Variants in ADGRE5 observed in about 807,000 individuals in gnomAD.
ADGRE5 encodes adhesion G protein-coupled receptor E5.
In ADGRE5, 72 loss-of-function variants were observed where a neutral mutation model predicts 100.3. The ratio of observed to expected loss-of-function variants is 0.72; its 90% CI spans 0.59 to 0.87. The LOEUF (loss-of-function observed/expected upper bound fraction) is 0.87. Among genes scored for constraint, ADGRE5 ranks in the 40% least tolerant of loss-of-function variants. The probability of loss-of-function intolerance (pLI) is 0.00; values close to 1 mark genes in which losing one functional copy is unlikely to be tolerated. For missense variants in ADGRE5, 959 were observed against 1,094.7 expected (o/e 0.88, Z 1.75); for synonymous variants, 439 against 447.8 (o/e 0.98, Z 0.25).
chr19:14,391,343 G>T (rs182737404), intron 4 of ADGRE5: 1 of 520,380 alleles, frequency 1.9e-6, no homozygotes, highest in African/African-American at 1.9e-5. Flanking sequence ...TTCAGAAACC[G>T]CTGTCCACAT....
chr19:14,395,171 C>T lies in ADGRE5; in HGVS notation c.347-1171C>T, dbSNP rs372048160. ...CAAAAATTAGCCGGGCGCAGTGGCA[C>T]GCACCTGTAATCCCAGCTACTCAGG... On this transcript the variant is annotated intron_variant, in intron 4 of 19. Transcript: ENST00000242786. Among the ~76,000 whole-genome samples the T allele has an allele frequency of 1.0e-3, 157 of 152,124 alleles. 1 individual carries two copies. The highest frequency in any genetic ancestry group is 3.5e-3 in the African/African-American group (147 of 41,498).
At position 14,408,227 on chromosome 19, in the gene ADGRE5, C is replaced by A; in HGVS notation, c.*106C>A. 2 of 1,251,188 alleles carry A rather than the reference C, an allele frequency of 1.6e-6. No individual in the cohort carries two copies. Among genetic ancestry groups the A allele is most frequent in the Non-Finnish European group, 2.3e-6 (2 of 872,386 alleles). 77.5% of individuals were successfully genotyped at this position (1,251,188 alleles called of 1,614,324 possible). A position where few individuals can be genotyped will look rare whatever the true frequency, so the allele number is the denominator to read the frequency against. On this transcript the variant is annotated 3_prime_UTR_variant, in exon 20 of 20. Transcript: ENST00000242786. The stretch of plus-strand genomic sequence containing the variant: ...CCACCACTCTACTCCCTCCACCCTC[C>A]CTCCCTGATCCCGTGTGCCACCAGG...
chr19:14,398,915 C>T (rs931500762), intron 9 of ADGRE5, among the ~76,000 whole-genome samples: 3 of 151,114 alleles, frequency 2.0e-5, no homozygotes, highest in Non-Finnish European at 2.9e-5. Context: ...GATCATGGCT[C>T]GCTGCAGCCT....
At chr19:14,384,498 C>T (rs548016408) in intron 1 of ADGRE5, among the ~76,000 whole-genome samples, 31 of 152,254 alleles carry the variant, frequency 2.0e-4, no homozygotes, top group African/African-American at 6.0e-4. Flanking sequence ...TCCCTCTGCC[C>T]GACACCCCCC....
intron 18 of ADGRE5, among the ~76,000 whole-genome samples, chr19:14,407,687 C>T (rs528376318): frequency 6.6e-6 from 1 of 151,074 alleles, no homozygotes; most frequent in Admixed American, 6.6e-5. Flanking sequence ...CTCAGCTTCT[C>T]AGGAGGCTGG....
chr19:14,389,837 G>A (rs1975532043), intron 3 of ADGRE5, among the ~76,000 whole-genome samples: 1 of 152,060 alleles, frequency 6.6e-6, no homozygotes, highest in Non-Finnish European at 1.5e-5. Context: ...GGGAGGCCAA[G>A]GCGGGCGGAT....
At chr19:14,388,207 G>T (rs1482277130) in intron 1 of ADGRE5, among the ~76,000 whole-genome samples, 1 of 151,716 alleles carries the variant, frequency 6.6e-6, no homozygotes, top group Non-Finnish European at 1.5e-5. Context: ...CAGCCTGGGT[G>T]ACCAAGCAGG....
intron 1 of ADGRE5, among the ~76,000 whole-genome samples, chr19:14,383,024 C>T (rs924369669): frequency 1.3e-5 from 2 of 152,074 alleles, no homozygotes; most frequent in Non-Finnish European, 2.9e-5. Flanking sequence ...GCATGAGCCA[C>T]CGCGCCCAGC....
Position 14,408,226 on chromosome 19 carries a change from C to T in ADGRE5, c.*105C>T. 1.6e-6 allele frequency: 2 copies of T among 1,277,528 alleles called. No individual in the cohort carries two copies. The highest frequency in any genetic ancestry group is 2.5e-5 in the East Asian group (1 of 40,438). 79.1% of individuals were successfully genotyped at this position (1,277,528 alleles called of 1,614,324 possible). On this transcript the variant is annotated 3_prime_UTR_variant, in exon 20 of 20. Transcript: ENST00000242786. The stretch of plus-strand genomic sequence containing the variant: ...TCCACCACTCTACTCCCTCCACCCT[C>T]CCTCCCTGATCCCGTGTGCCACCAG...
At chr19:14,404,155 A>G (rs1354265692) in intron 12 of ADGRE5, among the ~76,000 whole-genome samples, 2 of 152,094 alleles carry the variant, frequency 1.3e-5, no homozygotes, top group African/African-American at 4.8e-5. Context: ...CTGGGATTAC[A>G]GGCATGAGCC....
chr19:14,390,392 C>T (rs899747319), intron 3 of ADGRE5, among the ~76,000 whole-genome samples: 21 of 150,248 alleles, frequency 1.4e-4, no homozygotes, highest in East Asian at 4.0e-4. Context: ...GACCCGATCT[C>T]GGCTCACTGC....
Position 14,401,412 on chromosome 19 carries a change from G to A in ADGRE5, c.924G>A (p.Leu308=), listed in dbSNP as rs140629853. 74 of 1,614,104 alleles carry A rather than the reference G, an allele frequency of 4.6e-5. No homozygotes were observed. In the African/African-American group the frequency reaches 8.3e-4, roughly 18 times the overall value. Residue 308 remains leucine, a synonymous_variant, in exon 10 of 20, where the codon CTG becomes CTA. Transcript: ENST00000242786. The surrounding 1 kb of genome is among the most constrained non-coding windows in gnomAD (Gnocchi z 4.1). ...IQNVIKLVDE[L]MEAPGDVEAL... ...ATGTCATCAAATTGGTGGATGAACT[G>A]ATGGAAGCTCCTGGAGACGTAGAGG...
chr19:14,399,828 G>A (rs989096513), intron 9 of ADGRE5, among the ~76,000 whole-genome samples: 1 of 151,624 alleles, frequency 6.6e-6, no homozygotes, highest in African/African-American at 2.4e-5. Flanking sequence ...AACTTTTCCA[G>A]TAGCTAGATT....
At chr19:14,394,627 G>A (rs1385078325) in intron 4 of ADGRE5, among the ~76,000 whole-genome samples, 3 of 152,212 alleles carry the variant, frequency 2.0e-5, no homozygotes, top group East Asian at 3.9e-4. Flanking sequence ...GTGTGGTGGC[G>A]CATTCCAGTA....
At position 14,408,417 on chromosome 19, in the gene ADGRE5, T is replaced by C. The variant is rs1976378526; in HGVS notation, c.*296T>C. On this transcript the variant is annotated 3_prime_UTR_variant, in exon 20 of 20. Coordinates refer to ENST00000242786, the MANE Select transcript of ADGRE5 (RefSeq NM_078481.4). ...ATGCAGCATGTTGCCCTGGCACCTG[T>C]GGCCAGTACTCGGGACAGACTAAGG... 3 of 590,668 alleles carry C rather than the reference T, an allele frequency of 5.1e-6. No homozygotes were observed. Among genetic ancestry groups the C allele is most frequent in the African/African-American group, 1.9e-5 (1 of 53,842 alleles). The allele number at this position is 590,668 out of a possible 1,614,324, so 36.6% of individuals were successfully genotyped here. A position where few individuals can be genotyped will look rare whatever the true frequency, so the allele number is the denominator to read the frequency against.
At chr19:14,393,698 A>G (rs1009305412) in intron 4 of ADGRE5, among the ~76,000 whole-genome samples, 3 of 152,172 alleles carry the variant, frequency 2.0e-5, no homozygotes, top group Non-Finnish European at 4.4e-5. Context: ...AGAGGGATAA[A>G]GAGGGAGGTG....
intron 3 of ADGRE5, among the ~76,000 whole-genome samples, 157 bp downstream of exon 3, chr19:14,388,975 G>A (rs575650248): frequency 2.6e-5 from 4 of 151,016 alleles, no homozygotes; most frequent in African/African-American, 7.3e-5. Context: ...GGTGGCTCAC[G>A]CCTGTAATCC....
In ADGRE5 at chr19:14,404,557, G is replaced by T; in HGVS notation, c.1624G>T (p.Val542Leu). 6.2e-7 allele frequency: 1 copy of T among 1,612,336 alleles called. No individual in the cohort carries two copies. The highest frequency in any genetic ancestry group is 8.5e-7 in the Non-Finnish European group (1 of 1,179,394). Reference protein sequence around the residue: ...SFAILMAHYDVEDWKLTLITR... With the variant: ...SFAILMAHYDLEDWKLTLITR... ...TGCGATCCTTATGGCTCATTATGAC[G>T]TGGAGGTAAGTAGCTGGAGGCATCC... The change falls in exon 13 of 20, where the codon GTG (valine) becomes TTG (leucine). Residue 542 changes from valine to leucine, a missense_variant. Transcript: ENST00000242786.
At chr19:14,392,635 G>A (rs1975640085) in intron 4 of ADGRE5, among the ~76,000 whole-genome samples, 1 of 152,168 alleles carries the variant, frequency 6.6e-6, no homozygotes, top group Non-Finnish European at 1.5e-5. Flanking sequence ...GGGCACAGTG[G>A]CTCACACTTG....
Sources: gnomAD v4.1 joint callset for allele counts (sites outside exome capture counted in the v4.1 genomes callset) on GRCh38, gnomAD v4.1.1 for gene constraint, Gnocchi (gnomAD v3.1) non-coding constraint, MANE v1.5 for transcripts, NCBI Gene and HGNC (gene_info 2026-07-23, HGNC 2026-07-21) for gene names.